Variants in MRE11 observed in about 807,000 individuals in gnomAD.
MRE11 encodes MRE11 double strand break repair nuclease, also known as double-strand break repair protein MRE11.
Under a neutral mutation model 91.7 loss-of-function variants are expected in MRE11, and 62 were observed. That is an observed-to-expected ratio of 0.68 (90% CI 0.55 to 0.84). The LOEUF is 0.84. MRE11 is among the 40% of genes least tolerant of loss of function. The pLI is 0.00. For missense variants in MRE11, 796 were observed against 852.9 expected, an observed-to-expected ratio of 0.93 and a Z score of 0.83; for synonymous variants, 273 against 271.4, an observed-to-expected ratio of 1.01 and a Z score of -0.06.
chr11:94,477,624 A>G (rs1946898051), intron 6 of MRE11, among the ~76,000 whole-genome samples: 1 of 152,224 alleles, frequency 6.6e-6, no homozygotes, highest in Admixed American at 6.5e-5. Flanking sequence ...GCTGAGGTGG[A>G]ATGTAGAACA....
rs1945968498 is a variant in MRE11 at position 94,447,436 on chromosome 11, A to G, written c.1566T>C (p.Ala522=). The G allele has an allele frequency of 6.2e-7, 1 of 1,614,008 alleles. No homozygotes were observed. The highest frequency in any genetic ancestry group is 1.1e-5 in the South Asian group (1 of 91,088). The part of the protein sequence containing the change: ...TNEEDDEVRE[A]MTRARALRSQ... ...ATCTGAGTGCTCTGGCCCTGGTCAT[A>G]GCCTAAGAGGGAGAAGAAGGAGAAA... Residue 522 remains alanine (A), a splice_region_variant and synonymous_variant, in exon 15 of 20, where the codon GCT becomes GCC. Transcript: ENST00000323929.
chr11:94,418,307 G>A lies in MRE11; in HGVS notation c.*1818C>T, dbSNP rs1312889678. 8.6e-6 allele frequency: 2 copies of A among 232,910 alleles called. No homozygotes were observed. The highest frequency in any genetic ancestry group is 4.4e-5 in the African/African-American group (2 of 45,276). The allele number at this position is 232,910 out of a possible 1,614,324, so 14.4% of individuals were successfully genotyped here. On this transcript the variant is annotated 3_prime_UTR_variant, in exon 20 of 20. Coordinates refer to ENST00000323929, the MANE Select transcript of MRE11 (RefSeq NM_005591.4). ...TAGCTGGAGAGATTTATCACCCTCT[G>A]TAACTGCTATGTCATCACTTTCCTT...
At chr11:94,484,139 C>A (rs1379427073) in intron 4 of MRE11, among the ~76,000 whole-genome samples, 2 of 151,882 alleles carry the variant, frequency 1.3e-5, no homozygotes, top group Non-Finnish European at 2.9e-5. Flanking sequence ...TCAAAAGGAG[C>A]CCAATGGCTA....
intron 8 of MRE11, among the ~76,000 whole-genome samples, 179 bp from the exon 9 acceptor site, chr11:94,470,821 C>T (rs1173286551): frequency 2.0e-5 from 3 of 152,044 alleles, no homozygotes; most frequent in Non-Finnish European, 4.4e-5. Context: ...AGATGGTAGA[C>T]ATTTTCCTTC....
chr11:94,464,732 T>A (rs1439104025), intron 10 of MRE11, among the ~76,000 whole-genome samples: 3 of 152,168 alleles, frequency 2.0e-5, no homozygotes, highest in African/African-American at 7.2e-5. Context: ...GAGAAATGAT[T>A]ACCTCCAAAA....
At chr11:94,470,374 A>G in intron 9 of MRE11, 97 bp downstream of exon 9, 1 of 1,213,586 alleles carries the variant, frequency 8.2e-7, no homozygotes, top group South Asian at 1.3e-5. Context: ...AATGTAATCA[A>G]CATAAAGGCT....
Position 94,479,713 on chromosome 11 carries a change from T to G in MRE11, c.363A>C (p.Pro121=), listed in dbSNP as rs749735066. The stretch of plus-strand genomic sequence containing the variant: ...CATGATTGCCATGAATACTAAACAC[T>G]GGAATTGAAATGTTGAGGTTGCCAT... ...YQDGNLNISI[P]VFSIHGNHDD... is the part of the protein sequence containing the mutation. Residue 121 remains proline, a synonymous_variant, in exon 5 of 20, where the codon CCA becomes CCC. Coordinates refer to ENST00000323929, the MANE Select transcript of MRE11 (RefSeq NM_005591.4). 1.7e-5 allele frequency: 27 copies of G among 1,612,970 alleles called. No individual in the cohort carries two copies. In the East Asian group the frequency reaches 5.6e-4, roughly 33 times the overall value.
rs1476691000 is a variant in MRE11, at chr11:94,456,314, G to T, written c.1525C>A (p.Gln509Lys). ...TCATCTTCTTCATTAGTATTTTTTT[G>T]TCTGGTTTCTCTGAAACGACGTACC... ...EEVRRFRETRQKNTNEEDDEV... is the reference protein window; with the variant it reads ...EEVRRFRETRKKNTNEEDDEV... Residue 509 changes from glutamine to lysine, a missense_variant, in exon 14 of 20, where the codon CAA (glutamine) becomes AAA (lysine). Coordinates refer to ENST00000323929, the MANE Select transcript of MRE11 (RefSeq NM_005591.4). 1.2e-6 allele frequency: 2 copies of T among 1,613,162 alleles called. No individual in the cohort carries two copies. The highest frequency in any genetic ancestry group is 1.7e-6 in the Non-Finnish European group (2 of 1,179,720).
chr11:94,464,817 C>T (rs1205507703), intron 10 of MRE11, among the ~76,000 whole-genome samples: 1 of 152,182 alleles, frequency 6.6e-6, no homozygotes, highest in East Asian at 1.9e-4. Flanking sequence ...GGTAAACAGA[C>T]CTTTACAAAG....
At chr11:94,501,335 TACCTC>T in the MRE11 span, among the ~76,000 whole-genome samples, 1 of 152,158 alleles carries the variant, frequency 6.6e-6, no homozygotes, top group African/African-American at 2.4e-5. Context: ...CTATTTTAGA[TACCTC>T]ATATAAGAGG....
intron 18 of MRE11, among the ~76,000 whole-genome samples, chr11:94,431,585 A>C (rs2134802117): frequency 6.6e-6 from 1 of 152,332 alleles, no homozygotes; most frequent in Non-Finnish European, 1.5e-5. Context: ...AAGAAGCAAC[A>C]ACAGAGATGA....
chr11:94,493,303 T>C (rs1156466835), intron 1 of MRE11, among the ~76,000 whole-genome samples: 3 of 152,186 alleles, frequency 2.0e-5, no homozygotes, highest in Non-Finnish European at 4.4e-5. Context: ...GTATTTCCTA[T>C]TCAAACCCCA....
intron 10 of MRE11, among the ~76,000 whole-genome samples, chr11:94,464,993 CATTT>C (rs1296649595): frequency 6.6e-6 from 1 of 152,092 alleles, no homozygotes; most frequent in East Asian, 1.9e-4. Flanking sequence ...GTTTTTTGTT[CATTT>C]ATTTGATATT....
intron 10 of MRE11, among the ~76,000 whole-genome samples, chr11:94,465,381 A>ATC (rs200726071): frequency 3.5e-4 from 51 of 144,452 alleles, no homozygotes; most frequent in African/African-American, 1.0e-3. Flanking sequence ...TACCCAGACC[A>ATC]TCTCTCTCTC....
At chr11:94,468,759 G>C (rs1946633949) in intron 9 of MRE11, among the ~76,000 whole-genome samples, 1 of 152,088 alleles carries the variant, frequency 6.6e-6, no homozygotes, top group Non-Finnish European at 1.5e-5. Flanking sequence ...ACCATATGTG[G>C]ATATAGAGTA....
At chr11:94,449,400 A>G (rs993516664) in intron 14 of MRE11, among the ~76,000 whole-genome samples, 2 of 152,238 alleles carry the variant, frequency 1.3e-5, no homozygotes, top group African/African-American at 4.8e-5. Flanking sequence ...CATTAATCCT[A>G]TATTTGCAAA....
intron 4 of MRE11, 87 bp from the exon 5 acceptor site, chr11:94,479,848 T>C: frequency 1.0e-6 from 1 of 996,232 alleles, no homozygotes; most frequent in South Asian, 1.3e-5. Context: ...AATGCAATCA[T>C]AGGCAAACTG....
In MRE11 at chr11:94,418,083, A is replaced by G; in HGVS notation, c.*2042T>C. 4.3e-6 allele frequency: 1 copy of G among 233,088 alleles called. No individual in the cohort carries two copies. The highest frequency in any genetic ancestry group is 6.1e-5 in the East Asian group (1 of 16,528). The allele number at this position is 233,088 out of a possible 1,614,324, so 14.4% of individuals were successfully genotyped here. ...TGAAAGACTTCTACATTCCTATACCAACAGGTCTGAAAATTGTTAGAAACA... is the reference window on the plus strand; with the variant it reads ...TGAAAGACTTCTACATTCCTATACCGACAGGTCTGAAAATTGTTAGAAACA... On this transcript the variant is annotated 3_prime_UTR_variant, in exon 20 of 20. Transcript: ENST00000323929.
rs141070788 is a variant in MRE11, at chr11:94,427,341, C to T, written c.2070+2570G>A. 2.4e-4 allele frequency among the ~76,000 whole-genome samples: 37 copies of T among 152,246 alleles called. No individual in the cohort carries two copies. In the East Asian group the frequency reaches 6.6e-3, roughly 27 times the overall value. Reference sequence around the variant, plus strand: ...AGAGAAAGCTTTTGATAAAATCCAACATCCCTTCATGATAAAAACCCTCAA... The same window carrying T: ...AGAGAAAGCTTTTGATAAAATCCAATATCCCTTCATGATAAAAACCCTCAA... On this transcript the variant is annotated intron_variant, in intron 19 of 19. Coordinates refer to ENST00000323929, the MANE Select transcript of MRE11 (RefSeq NM_005591.4).
Sources: allele counts gnomAD v4.1 joint callset (sites outside exome capture counted in the v4.1 genomes callset), GRCh38; gene constraint gnomAD v4.1.1; transcripts MANE v1.5; gene names NCBI Gene and HGNC (gene_info 2026-07-23, HGNC 2026-07-21).